Variants in NME1 observed in about 807,000 individuals in gnomAD.
NME1 encodes NME/NM23 nucleoside diphosphate kinase 1.
Under a neutral mutation model 17.2 loss-of-function variants are expected in NME1, and 9 were observed. The ratio of observed to expected loss-of-function variants is 0.52; its 90% confidence interval spans 0.32 to 0.92. NME1 has a LOEUF of 0.92. NME1 is among the 40% of genes least tolerant of loss of function. NME1 has a pLI of 0.04. For synonymous variants in NME1, 72 were observed against 70.8 expected (o/e 1.02, Z -0.09); for missense variants, 169 against 201.7 (o/e 0.84, Z 0.98).
chr17:51,155,894 C>T (rs2144859520), intron 2 of NME1, 114 bp downstream of exon 2: 2 of 1,542,952 alleles, frequency 1.3e-6, no homozygotes, highest in Admixed American at 1.7e-5. Flanking sequence ...AGAGTGAACA[C>T]AAGTGTCTTG....
At chr17:51,156,205 A>G (rs1237350873) in intron 2 of NME1, 8 of 293,184 alleles carry the variant, frequency 2.7e-5, no homozygotes, top group Non-Finnish European at 5.3e-5. Flanking sequence ...ATAAATGCTT[A>G]TTGTTTAGCA....
intron 2 of NME1, 54 bp downstream of exon 2, chr17:51,155,834 TG>T (rs1307803922): frequency 5.0e-6 from 8 of 1,607,592 alleles, no homozygotes; most frequent in Non-Finnish European, 6.8e-6. Flanking sequence ...AGGAGAACAC[TG>T]TGATTAACCT....
chr17:51,157,894 A>G (rs768495074), intron 2 of NME1, among the ~76,000 whole-genome samples: 2 of 152,146 alleles, frequency 1.3e-5, no homozygotes, highest in Non-Finnish European at 2.9e-5. Flanking sequence ...GGGCATTTAA[A>G]TCTGGTGTGG....
chr17:51,154,262 C>G lies in NME1; in HGVS notation c.-5+600C>G, dbSNP rs34431255. 365,924 of 945,918 alleles carry G rather than the reference C, an allele frequency of 0.39. 71,543 individuals carry two copies. The highest frequency in any genetic ancestry group is 0.43 in the Middle Eastern group (2,023 of 4,672). 58.6% of individuals were successfully genotyped at this position (945,918 alleles called of 1,614,324 possible). On this transcript the variant is annotated intron_variant, in intron 1 of 4. Transcript: ENST00000393196. ...GGTACCATAGAGTCTCTACACAGGA[C>G]TAAGTCAGCCTGGTGTGCAGGGGAG...
rs896186372 is a variant in NME1, at chr17:51,155,941, A to T, written c.126+161A>T. ...CTCCTCAGTGCCCTAGCGTTTGGCT[A>T]CATCTTGGAACAAACCAAGTTATTT... On this transcript the variant is annotated intron_variant, in intron 2 of 4. Coordinates refer to ENST00000393196, the MANE Select transcript of NME1 (RefSeq NM_000269.3). The T allele has an allele frequency of 8.2e-6, 9 of 1,103,222 alleles. No individual in the cohort carries two copies. The South Asian group carries it at 1.2e-4, about 15-fold the overall frequency. 68.3% of individuals were successfully genotyped at this position (1,103,222 alleles called of 1,614,324 possible). A position where few individuals can be genotyped will look rare whatever the true frequency, so the allele number is the denominator to read the frequency against.
rs2049811158 is a variant in NME1 at position 51,157,982 on chromosome 17, A to G, written c.127-1998A>G. ...AAGCCCGTGATCTGTTTTGCAGACT[A>G]AAGATAATCAGTTAGGGCCTGGCGT... On this transcript the variant is annotated intron_variant, in intron 2 of 4. Transcript: ENST00000393196. Among the ~76,000 whole-genome samples the G allele has an allele frequency of 2.0e-5, 3 of 152,148 alleles. No individual in the cohort carries two copies. The South Asian group carries it at 6.2e-4, about 32-fold the overall frequency.
chr17:51,161,193 C>A lies in NME1; in HGVS notation c.262C>A (p.Arg88=), dbSNP rs778813496. The change falls in exon 4 of 5, where the codon CGA becomes AGA. Residue 88 remains arginine, a synonymous_variant. Coordinates refer to ENST00000393196, the MANE Select transcript of NME1 (RefSeq NM_000269.3). The part of the protein sequence containing the change: ...WEGLNVVKTG[R]VMLGETNPAD... Reference sequence around the variant, plus strand: ...GGGGCTGAATGTGGTGAAGACGGGCCGAGTCATGCTCGGGGAGACCAACCC... The same window carrying A: ...GGGGCTGAATGTGGTGAAGACGGGCAGAGTCATGCTCGGGGAGACCAACCC... 1 of 1,612,530 alleles carries A rather than the reference C, an allele frequency of 6.2e-7. No homozygotes were observed. The highest frequency in any genetic ancestry group is 8.5e-7 in the Non-Finnish European group (1 of 1,179,424).
chr17:51,157,003 C>CA (rs36025797), intron 2 of NME1, among the ~76,000 whole-genome samples: 35,973 of 140,402 alleles, frequency 0.26, 4,913 homozygotes, highest in Non-Finnish European at 0.33. Flanking sequence ...GACTCTGTCT[C>CA]AAAAAAAAAA....
intron 1 of NME1, chr17:51,154,439 TACA>T: frequency 6.2e-7 from 1 of 1,614,068 alleles, no homozygotes; most frequent in Non-Finnish European, 8.5e-7. Context: ...CAAGCTGTGA[TACA>T]GGGTAGGTCA....
Position 51,161,808 on chromosome 17 carries a change from A to T in NME1, c.422A>T (p.Asp141Val). ...GLWFHPEELV[D>V]YTSCAQNWIY... ...TGGTTTCACCCTGAGGAACTGGTAG[A>T]TTACACGAGCTGTGCTCAGAACTGG... Residue 141 changes from aspartate to valine, a missense_variant, in exon 5 of 5, where the codon GAT becomes GTT. Coordinates refer to ENST00000393196, the MANE Select transcript of NME1 (RefSeq NM_000269.3). The T allele has an allele frequency of 6.2e-7, 1 of 1,613,906 alleles. No homozygotes were observed.
chr17:51,156,906 A>AG (rs2049794954), intron 2 of NME1, among the ~76,000 whole-genome samples: 1 of 151,430 alleles, frequency 6.6e-6, no homozygotes, highest in Admixed American at 6.6e-5. Flanking sequence ...AAAAAAAAAA[A>AG]AAAAGAATTG....
chr17:51,161,168 G>A lies in NME1; in HGVS notation c.237G>A (p.Glu79=). The change falls in exon 4 of 5, where the codon GAG becomes GAA. Residue 79 remains glutamate (E), a synonymous_variant. Coordinates refer to ENST00000393196, the MANE Select transcript of NME1 (RefSeq NM_000269.3). ...HSGPVVAMVW[E]GLNVVKTGRV... The stretch of plus-strand genomic sequence containing the variant: ...TTCTTCTGTCCTTGGAGGTCTGGGA[G>A]GGGCTGAATGTGGTGAAGACGGGCC... The A allele has an allele frequency of 6.2e-7, 1 of 1,610,670 alleles. No individual in the cohort carries two copies. Among genetic ancestry groups the A allele is most frequent in the Non-Finnish European group, 8.5e-7 (1 of 1,178,570 alleles).
In NME1 at chr17:51,154,768, A is replaced by G. The variant is rs1052815537; in HGVS notation, c.-4-883A>G. Reference sequence around the variant, plus strand: ...ATGCTATGGCTGTGGCATTAAGTCAAACTATTATTTCTTACTGCTTTGTAC... The same window carrying G: ...ATGCTATGGCTGTGGCATTAAGTCAGACTATTATTTCTTACTGCTTTGTAC... On this transcript the variant is annotated intron_variant, in intron 1 of 4. Transcript: ENST00000393196. Among the ~76,000 whole-genome samples, 8 of 152,222 alleles carry G rather than the reference A, an allele frequency of 5.3e-5. 1 individual carries two copies. Among genetic ancestry groups the G allele is most frequent in the Admixed American group, 2.6e-4 (4 of 15,282 alleles).
chr17:51,161,563 CA>C, intron 4 of NME1, 164 bp from the exon 5 acceptor site: 1 of 715,796 alleles, frequency 1.4e-6, no homozygotes, highest in Non-Finnish European at 2.5e-6. Context: ...GTGGGGAGGG[CA>C]TTTTTCAGCC....
chr17:51,160,650 C>T (rs1273925410), intron 3 of NME1: 2 of 226,078 alleles, frequency 8.8e-6, no homozygotes, highest in East Asian at 1.1e-4. Flanking sequence ...TGCTCTGTTG[C>T]CCAGGCTGGA....
At chr17:51,158,414 T>G (rs1024002326) in intron 2 of NME1, among the ~76,000 whole-genome samples, 2 of 152,196 alleles carry the variant, frequency 1.3e-5, no homozygotes, top group African/African-American at 2.4e-5. Flanking sequence ...CACTCCAGCC[T>G]GGGTGACAGA....
At chr17:51,155,904 G>T in intron 2 of NME1, 124 bp downstream of exon 2, 1 of 1,509,474 alleles carries the variant, frequency 6.6e-7, no homozygotes, top group Non-Finnish European at 9.1e-7. Context: ...CAAGTGTCTT[G>T]AGACCTGGAA....
At chr17:51,155,621 T>C in intron 1 of NME1, 30 bp from the exon 2 acceptor site, 1 of 1,612,590 alleles carries the variant, frequency 6.2e-7, no homozygotes, top group Non-Finnish European at 8.5e-7. Context: ...GATTCACTGC[T>C]GTTTCATTCC....
Position 51,161,901 on chromosome 17 carries a change from G to A in NME1, c.*56G>A, listed in dbSNP as rs1168077737. The A allele has an allele frequency of 2.7e-6, 3 of 1,110,680 alleles. No individual in the cohort carries two copies. In the African/African-American group the frequency reaches 4.6e-5, roughly 17 times the overall value. The allele number at this position is 1,110,680 out of a possible 1,614,324, so 68.8% of individuals were successfully genotyped here. Reference sequence around the variant, plus strand: ...CCATTTCCCCTCCTTCCCATGGGCAGAGGACCAGGCTGTAGGAAATCTAGT... The same window carrying A: ...CCATTTCCCCTCCTTCCCATGGGCAAAGGACCAGGCTGTAGGAAATCTAGT... On this transcript the variant is annotated 3_prime_UTR_variant, in exon 5 of 5. Transcript: ENST00000393196.
Sources: allele counts gnomAD v4.1 joint callset (sites outside exome capture counted in the v4.1 genomes callset), GRCh38; gene constraint gnomAD v4.1.1; transcripts MANE v1.5; gene names NCBI Gene and HGNC (gene_info 2026-07-23, HGNC 2026-07-21).